The following BLOC1S2 variants were observed in gnomAD, a reference collection of about 807,000 sequenced individuals.
BLOC1S2 encodes the protein biogenesis of lysosomal organelles complex 1 subunit 2.
A neutral mutation model predicts 19.6 loss-of-function variants in BLOC1S2; 12 were observed. The observed-to-expected ratio is 0.61, with a 90% CI of 0.39 to 0.99. The LOEUF is 0.99. Among genes scored for constraint, BLOC1S2 ranks in the 50% least tolerant of loss-of-function variants. The pLI is 0.00. For missense variants in BLOC1S2, 142 were observed against 171.0 expected (o/e 0.83, Z 0.95); for synonymous variants, 66 against 64.1 (o/e 1.03, Z -0.14).
intron 2 of BLOC1S2, 32 bp downstream of exon 2, chr10:100,286,065 C>A (rs911579282): frequency 6.2e-7 from 1 of 1,610,824 alleles, no homozygotes; most frequent in African/African-American, 1.3e-5. Flanking sequence ...CTGGGCCAAA[C>A]CGCACCCGAA....
At chr10:100,281,726 A>G (rs529069786) in intron 2 of BLOC1S2, among the ~76,000 whole-genome samples, 3 of 150,162 alleles carry the variant, frequency 2.0e-5, no homozygotes, top group Admixed American at 2.0e-4. Flanking sequence ...ACACACACAC[A>G]CACACACACA....
At chr10:100,284,477 G>T (rs768513993) in intron 2 of BLOC1S2, among the ~76,000 whole-genome samples, 1 of 152,114 alleles carries the variant, frequency 6.6e-6, no homozygotes, top group African/African-American at 2.4e-5. Flanking sequence ...CTTGGGCAAC[G>T]GAGCAGACCT....
Position 100,280,171 on chromosome 10 carries a change from G to A in BLOC1S2, c.350C>T (p.Ala117Val). The A allele has an allele frequency of 1.2e-6, 2 of 1,613,510 alleles. No homozygotes were observed. Among genetic ancestry groups the A allele is most frequent in the Non-Finnish European group, 1.7e-6 (2 of 1,179,646 alleles). Residue 117 changes from alanine (A) to valine (V), a missense_variant, in exon 4 of 5, where the codon GCT (alanine) becomes GTT (valine). This residue lies in a region of BLOC1S2 where 94 missense variants were observed against 141.3 expected (regional missense o/e 0.67). Coordinates refer to ENST00000370372, the MANE Select transcript of BLOC1S2 (RefSeq NM_173809.5). ...CAACTTGTAAGCTGCCTGCTCAAGA[G>A]CTGCTACCTGCTCTTCAATGACATT... ...QINVIEEQVA[A>V]LEQAAYKLDA...
chr10:100,277,616 G>GCCCCCCTGCCCAGCCAGCCAC (rs1847945157), intron 4 of BLOC1S2, among the ~76,000 whole-genome samples: 2 of 121,780 alleles, frequency 1.6e-5, no homozygotes, highest in South Asian at 2.8e-4. Flanking sequence ...GAGGGGGTCA[G>GCCCCCCTGCCCAGCCAGCCAC]CCCCCCTGCC....
At position 100,286,665 on chromosome 10, in the gene BLOC1S2, A is replaced by G. The variant is rs750333778; in HGVS notation, c.-6T>C. The G allele has an allele frequency of 5.0e-6, 8 of 1,609,440 alleles. No individual in the cohort carries two copies. The highest frequency in any genetic ancestry group is 1.7e-5 in the Admixed American group (1 of 59,754). The stretch of plus-strand genomic sequence containing the variant: ...CCCTCGGCTGCCGCCGCCATAGCGG[A>G]CCCCGCGCTGTTTCCGGGCCGGGGT... On this transcript the variant is annotated 5_prime_UTR_variant, in exon 1 of 5. Coordinates refer to ENST00000370372, the MANE Select transcript of BLOC1S2 (RefSeq NM_173809.5).
chr10:100,280,857 CCCT>C, intron 3 of BLOC1S2, 74 bp downstream of exon 3: 2 of 1,161,548 alleles, frequency 1.7e-6, no homozygotes, highest in Non-Finnish European at 2.4e-6. Flanking sequence ...ATGTCATGTT[CCCT>C]CCTCTTCTCC....
At chr10:100,281,693 A>AAT (rs1554910962) in intron 2 of BLOC1S2, among the ~76,000 whole-genome samples, 25 of 138,834 alleles carry the variant, frequency 1.8e-4, no homozygotes, top group African/African-American at 3.7e-4. Context: ...AAAAAAAAAA[A>AAT]ATATATATAT....
At chr10:100,286,426 C>G in intron 1 of BLOC1S2, 179 bp downstream of exon 1, 5 of 1,466,264 alleles carry the variant, frequency 3.4e-6, no homozygotes, top group South Asian at 1.4e-5. Flanking sequence ...CCGGCACCCC[C>G]GCTCATCCTG....
chr10:100,285,163 TTACAG>T (rs1465827719), intron 2 of BLOC1S2, among the ~76,000 whole-genome samples: 2 of 152,228 alleles, frequency 1.3e-5, no homozygotes, highest in Non-Finnish European at 2.9e-5. Context: ...CAAATTTAGC[TTACAG>T]TAATTTCCTG....
rs1848086697 is a variant in BLOC1S2 at position 100,280,926 on chromosome 10, T to C, written c.292+8A>G. The C allele has an allele frequency of 6.2e-7, 1 of 1,605,074 alleles. No individual in the cohort carries two copies. The highest frequency in any genetic ancestry group is 1.3e-5 in the African/African-American group (1 of 74,376). ...CAAACATGTTTAATTACAAATATTA[T>C]TACTTACATTTCTGGTTTAAGTCCT... is the stretch of plus-strand genomic sequence containing the variant. On this transcript the variant is annotated splice_region_variant and intron_variant, in intron 3 of 4. Transcript: ENST00000370372.
chr10:100,285,319 A>C (rs536656670), intron 2 of BLOC1S2, among the ~76,000 whole-genome samples: 2 of 151,824 alleles, frequency 1.3e-5, no homozygotes, highest in Non-Finnish European at 2.9e-5. Context: ...AAGTGGTGTG[A>C]TCTCAGTCCA....
Position 100,275,425 on chromosome 10 carries a change from T to TAAA in BLOC1S2, c.*34_*36dup. 4 of 1,256,796 alleles carry TAAA rather than the reference T, an allele frequency of 3.2e-6. No individual in the cohort carries two copies. The highest frequency in any genetic ancestry group is 2.2e-6 in the Non-Finnish European group (2 of 922,474). 77.9% of individuals were successfully genotyped at this position (1,256,796 alleles called of 1,614,324 possible). On this transcript the variant is annotated 3_prime_UTR_variant, in exon 5 of 5. Coordinates refer to ENST00000370372, the MANE Select transcript of BLOC1S2 (RefSeq NM_173809.5). Reference sequence around the variant, plus strand: ...GGTTTTATAAGACATTCTTCCACATTAAAAAAAAAAGACTCTGTCCCATAG... The same window carrying TAAA: ...GGTTTTATAAGACATTCTTCCACATTAAAAAAAAAAAAAGACTCTGTCCCATAG...
chr10:100,286,132 G>A lies in BLOC1S2; in HGVS notation c.137C>T (p.Ser46Phe). The A allele has an allele frequency of 6.2e-7, 1 of 1,614,028 alleles. No individual in the cohort carries two copies. The highest frequency in any genetic ancestry group is 8.5e-7 in the Non-Finnish European group (1 of 1,179,978). Residue 46 changes from serine (S) to phenylalanine (F), a missense_variant, in exon 2 of 5, where the codon TCC becomes TTC. Physicochemically the swap from Ser to Phe is radical, Grantham distance 155. Transcript: ENST00000370372. Reference protein sequence around the residue: ...DITELCRDMFSKMATYLTGEL... With the variant: ...DITELCRDMFFKMATYLTGEL... ...CCCAGTCAGGTAAGTGGCCATTTTG[G>A]AGAACATGTCCCGGCAGAGCTCAGT...
intron 3 of BLOC1S2, 72 bp downstream of exon 3, chr10:100,280,862 C>T: frequency 6.7e-7 from 1 of 1,490,260 alleles, no homozygotes; most frequent in Non-Finnish European, 8.9e-7. Flanking sequence ...ATGTTCCCTC[C>T]TCTTCTCCAT....
At position 100,286,181 on chromosome 10, in the gene BLOC1S2, T is replaced by C; in HGVS notation, c.88A>G (p.Lys30Glu). The part of the protein sequence containing the change: ...DAAVETAEEA[K>E]EPAEADITEL... ...GTGATGTCAGCTTCAGCAGGCTCCTTTGCTTCCTCAGCTGTCTCCACGGCG... is the reference window on the plus strand; with the variant it reads ...GTGATGTCAGCTTCAGCAGGCTCCTCTGCTTCCTCAGCTGTCTCCACGGCG... Residue 30 changes from lysine (K) to glutamate (E), a missense_variant, in exon 2 of 5, where the codon AAG becomes GAG. Around this residue, in one of 2 missense-constraint regions of BLOC1S2, gnomAD observed 94 missense variants for 141.3 expected, o/e 0.67. Coordinates refer to ENST00000370372, the MANE Select transcript of BLOC1S2 (RefSeq NM_173809.5). 6.2e-7 allele frequency: 1 copy of C among 1,614,044 alleles called. No individual in the cohort carries two copies. The highest frequency in any genetic ancestry group is 8.5e-7 in the Non-Finnish European group (1 of 1,179,966).
rs1302199970 is a variant in BLOC1S2 at position 100,286,087 on chromosome 10, C to T, written c.172+10G>A. The T allele has an allele frequency of 2.5e-6, 4 of 1,613,342 alleles. No homozygotes were observed. Among genetic ancestry groups the T allele is most frequent in the East Asian group, 2.2e-5 (1 of 44,858 alleles). On this transcript the variant is annotated intron_variant, in intron 2 of 4. Transcript: ENST00000370372. ...AAACCGCACCCGAATCAACCCAGAC[C>T]CCGCCTCACCCGTCAGTTCCCCAGT...
At chr10:100,277,228 A>G in intron 4 of BLOC1S2, among the ~76,000 whole-genome samples, 1 of 131,130 alleles carries the variant, frequency 7.6e-6, no homozygotes, top group Non-Finnish European at 1.6e-5. Context: ...TCCGCCTGGT[A>G]ACCGCCCCGT....
intron 1 of BLOC1S2, 194 bp from the exon 2 acceptor site, chr10:100,286,407 C>G (rs964961850): frequency 2.7e-6 from 4 of 1,461,650 alleles, no homozygotes; most frequent in Admixed American, 5.0e-5. Flanking sequence ...CACCGCCCCT[C>G]GCCCATACCC....
intron 4 of BLOC1S2, among the ~76,000 whole-genome samples, chr10:100,277,388 G>A (rs1847923499): frequency 6.7e-6 from 1 of 149,190 alleles, no homozygotes; most frequent in Admixed American, 6.6e-5. Context: ...GGGCGCCTCT[G>A]CCCGGCCGCC....
Sources: allele counts gnomAD v4.1 joint callset (sites outside exome capture counted in the v4.1 genomes callset), GRCh38; gene constraint gnomAD v4.1.1; regional missense constraint gnomAD v4.1.1; transcripts MANE v1.5; gene names NCBI Gene and HGNC (gene_info 2026-07-23, HGNC 2026-07-21).